Variants in SLC6A15 observed in about 807,000 individuals in gnomAD.
The protein encoded by SLC6A15 is sodium-dependent neutral amino acid transporter B(0)AT2.
Under a neutral mutation model 68.5 loss-of-function variants are expected in SLC6A15, and 33 were observed. The ratio of observed to expected loss-of-function variants is 0.48; its 90% CI spans 0.37 to 0.64. The LOEUF is 0.64. Ranked by LOEUF, SLC6A15 falls within the 30% of genes least tolerant of loss-of-function variation. The pLI, the probability that SLC6A15 is intolerant of heterozygous loss-of-function variation, is 0.00. For missense variants in SLC6A15, 747 were observed against 874.3 expected, an observed-to-expected ratio of 0.85 and a Z score of 1.84; for synonymous variants, 347 against 301.0, an observed-to-expected ratio of 1.15 and a Z score of -1.58.
intron 7 of SLC6A15, 131 bp from the exon 8 acceptor site, chr12:84,872,925 GA>G: frequency 8.4e-7 from 1 of 1,189,986 alleles, no homozygotes; most frequent in Middle Eastern, 2.8e-4. Flanking sequence ...TGTTTGAGGT[GA>G]TGACTATCCC....
intron 1 of SLC6A15, among the ~76,000 whole-genome samples, chr12:84,898,919 T>G (rs1363952864): frequency 6.6e-6 from 1 of 152,244 alleles, no homozygotes; most frequent in Non-Finnish European, 1.5e-5. Flanking sequence ...ATTCTCTGAA[T>G]TAGCAGTGTG....
At chr12:84,891,205 C>A (rs901351388) in intron 2 of SLC6A15, among the ~76,000 whole-genome samples, 6 of 152,080 alleles carry the variant, frequency 3.9e-5, no homozygotes, top group Non-Finnish European at 5.9e-5. Context: ...TTGCTAATTT[C>A]TTTAAAGTTG....
At chr12:84,895,760 T>C (rs1188202900) in intron 1 of SLC6A15, among the ~76,000 whole-genome samples, 1 of 152,200 alleles carries the variant, frequency 6.6e-6, no homozygotes, top group Non-Finnish European at 1.5e-5. Flanking sequence ...TGAAGAGATT[T>C]ATTAAAACTA....
chr12:84,867,169 C>T lies in SLC6A15; in HGVS notation c.1520G>A (p.Cys507Tyr). ...LTVICCLLAF[C>Y]IGLIFVQRSG... ...GCGTTGCACAAATATCAGGCCAATA[C>T]AAAATGCCAGAAGACAACAGATAAC... Residue 507 changes from cysteine to tyrosine, a missense_variant, in exon 10 of 12, where the codon TGT (cysteine) becomes TAT (tyrosine). Coordinates refer to ENST00000266682, the MANE Select transcript of SLC6A15 (RefSeq NM_182767.6). 6.2e-7 allele frequency: 1 copy of T among 1,603,448 alleles called. No individual in the cohort carries two copies. Among genetic ancestry groups the T allele is most frequent in the African/African-American group, 1.3e-5 (1 of 74,566 alleles).
chr12:84,860,190 T>A lies in SLC6A15; in HGVS notation c.*1442A>T, dbSNP rs1454467646. ...ACTGGCTGAAATAAATCAATTGATA[T>A]GGCATGTGTATTACCTCACTTATTT... On this transcript the variant is annotated 3_prime_UTR_variant, in exon 12 of 12. Coordinates refer to ENST00000266682, the MANE Select transcript of SLC6A15 (RefSeq NM_182767.6). 6.6e-6 allele frequency: 1 copy of A among 152,086 alleles called. No homozygotes were observed. The highest frequency in any genetic ancestry group is 2.4e-5 in the African/African-American group (1 of 41,440). 9.4% of individuals were successfully genotyped at this position (152,086 alleles called of 1,614,324 possible). A position where few individuals can be genotyped will look rare whatever the true frequency, so the allele number is the denominator to read the frequency against.
rs187480219 is a variant in SLC6A15, at chr12:84,871,064, T to C, written c.1303-394A>G. Among the ~76,000 whole-genome samples the C allele has an allele frequency of 6.1e-3, 921 of 151,894 alleles. 3 individuals carry two copies. The highest frequency in any genetic ancestry group is 0.018 in the African/African-American group (729 of 41,520). On this transcript the variant is annotated intron_variant, in intron 8 of 11. Coordinates refer to ENST00000266682, the MANE Select transcript of SLC6A15 (RefSeq NM_182767.6). ...ATACAAATATATATATACAACTATT[T>C]CTGGCTCATATATAAAGATTTTAAA...
At position 84,885,971 on chromosome 12, in the gene SLC6A15, G is replaced by T. The variant is rs754406059; in HGVS notation, c.387C>A (p.Ser129Arg). ...LSVGQRIRRG[S>R]IGVWNYISPK... ...GGCTTATGTAATTCCATACACCAAT[G>T]CTGCCTCGCCGAATTCTTTGACCCA... Residue 129 changes from serine to arginine, a missense_variant, in exon 3 of 12, where the codon AGC becomes AGA. Physicochemically the swap from Ser to Arg is moderately radical, Grantham distance 110. Transcript: ENST00000266682. 6.2e-7 allele frequency: 1 copy of T among 1,613,118 alleles called. No homozygotes were observed. Among genetic ancestry groups the T allele is most frequent in the Admixed American group, 1.7e-5 (1 of 59,968 alleles).
intron 1 of SLC6A15, among the ~76,000 whole-genome samples, chr12:84,905,274 T>A (rs747990459): frequency 3.1e-4 from 47 of 152,164 alleles, no homozygotes; most frequent in Non-Finnish European, 5.9e-4. Context: ...CAAAAATCAA[T>A]ATGTGATATA....
At chr12:84,882,241 T>G in intron 5 of SLC6A15, 1 of 985,366 alleles carries the variant, frequency 1.0e-6, no homozygotes, top group Non-Finnish European at 1.2e-6. Flanking sequence ...AGGAATCATA[T>G]AAATATGGTT....
intron 10 of SLC6A15, among the ~76,000 whole-genome samples, chr12:84,864,320 C>CTTT (rs551232166): frequency 9.1e-5 from 12 of 131,732 alleles, no homozygotes; most frequent in South Asian, 2.4e-4. Context: ...TTCTTTCTTT[C>CTTT]TTTTTTTTTT....
intron 2 of SLC6A15, 67 bp downstream of exon 2, chr12:84,891,765 T>C: frequency 2.1e-6 from 3 of 1,404,994 alleles, no homozygotes; most frequent in Non-Finnish European, 2.9e-6. Flanking sequence ...ACAGCAATAA[T>C]AGGAGCTATT....
intron 5 of SLC6A15, among the ~76,000 whole-genome samples, chr12:84,877,007 A>T (rs891500356): frequency 1.3e-5 from 2 of 152,054 alleles, no homozygotes; most frequent in Non-Finnish European, 2.9e-5. Flanking sequence ...TTTTAACCAA[A>T]TTTTCATTGT....
In SLC6A15 at chr12:84,860,358, G is replaced by T. The variant is rs1870794664; in HGVS notation, c.*1274C>A. On this transcript the variant is annotated 3_prime_UTR_variant, in exon 12 of 12. Coordinates refer to ENST00000266682, the MANE Select transcript of SLC6A15 (RefSeq NM_182767.6). ...ACAACAGTTTTATTTAAAAATCATA[G>T]TCTTTTATACTTTGCAGACAATATT... 1.3e-5 allele frequency: 2 copies of T among 152,012 alleles called. No individual in the cohort carries two copies. The highest frequency in any genetic ancestry group is 4.8e-5 in the African/African-American group (2 of 41,428). 9.4% of individuals were successfully genotyped at this position (152,012 alleles called of 1,614,324 possible).
chr12:84,876,955 G>A (rs970271831), intron 5 of SLC6A15, among the ~76,000 whole-genome samples: 21 of 152,020 alleles, frequency 1.4e-4, no homozygotes, highest in Admixed American at 4.6e-4. Context: ...CTACTTTTTT[G>A]TTGTTGTTCT....
At position 84,876,091 on chromosome 12, in the gene SLC6A15, T is replaced by TA. The variant is rs1277015857; in HGVS notation, c.867+405_867+406insT. On this transcript the variant is annotated intron_variant, in intron 6 of 11. Coordinates refer to ENST00000266682, the MANE Select transcript of SLC6A15 (RefSeq NM_182767.6). ...ACACTAAGCAAATTAATATGTTCAT[T>TA]TTTTTTTTTGGGAAAAAAAATCCTC... 3.3e-4 allele frequency among the ~76,000 whole-genome samples: 50 copies of TA among 151,846 alleles called. 3 individuals are homozygous for TA. The East Asian group carries it at 9.5e-3, about 29-fold the overall frequency.
At position 84,876,553 on chromosome 12, in the gene SLC6A15, T is replaced by G; in HGVS notation, c.811A>C (p.Arg271=). 2 of 1,600,434 alleles carry G rather than the reference T, an allele frequency of 1.2e-6. No homozygotes were observed. The highest frequency in any genetic ancestry group is 2.3e-5 in the South Asian group (2 of 88,028). The change falls in exon 6 of 12, where the codon AGA becomes CGA. Residue 271 remains arginine, a synonymous_variant. Coordinates refer to ENST00000266682, the MANE Select transcript of SLC6A15 (RefSeq NM_182767.6). The part of the protein sequence containing the change: ...PYVVLICFLI[R]AFLLNGSIDG... ...ATTGAACCATTTAAAAGGAATGCTCTGATGAGGAAGCAAATAAGTACCACA... is the reference window on the plus strand; with the variant it reads ...ATTGAACCATTTAAAAGGAATGCTCGGATGAGGAAGCAAATAAGTACCACA...
chr12:84,880,818 T>G (rs113418707), intron 5 of SLC6A15: 2 of 646,044 alleles, frequency 3.1e-6, no homozygotes, highest in African/African-American at 2.0e-5. Context: ...TTTACTAAAG[T>G]GTTTAAAAAA....
At position 84,859,685 on chromosome 12, in the gene SLC6A15, G is replaced by A. The variant is rs1183929858; in HGVS notation, c.*1947C>T. On this transcript the variant is annotated 3_prime_UTR_variant, in exon 12 of 12. Coordinates refer to ENST00000266682, the MANE Select transcript of SLC6A15 (RefSeq NM_182767.6). ...TGGCAGGTTAAGTATTAAAGATTAG[G>A]GTACCATATAAAAATATTGCCTCAA... The A allele has an allele frequency of 6.6e-6, 1 of 151,138 alleles. No homozygotes were observed. Among genetic ancestry groups the A allele is most frequent in the Non-Finnish European group, 1.5e-5 (1 of 67,762 alleles). The allele number at this position is 151,138 out of a possible 1,614,324, so 9.4% of individuals were successfully genotyped here.
chr12:84,879,606 G>T (rs2404236), intron 5 of SLC6A15, among the ~76,000 whole-genome samples: 1 of 151,582 alleles, frequency 6.6e-6, no homozygotes, highest in Admixed American at 6.6e-5. Context: ...GATTACAGGC[G>T]TGAGCCACCG....
Sources: gnomAD v4.1 joint callset for allele counts (sites outside exome capture counted in the v4.1 genomes callset) on GRCh38, gnomAD v4.1.1 for gene constraint, MANE v1.5 for transcripts, NCBI Gene and HGNC (gene_info 2026-07-23, HGNC 2026-07-21) for gene names.